Variants in FRY observed in about 807,000 individuals in gnomAD.
The protein encoded by FRY is protein furry homolog.
Under a neutral mutation model 348.4 loss-of-function variants are expected in FRY, and 128 were observed. The ratio of observed to expected loss-of-function variants is 0.37; its 90% confidence interval spans 0.32 to 0.43. The LOEUF (loss-of-function observed/expected upper bound fraction) is 0.43. FRY is among the 20% of genes least tolerant of loss of function. FRY has a pLI of 1.00. For missense variants in FRY, 2,736 were observed against 3,695.2 expected (o/e 0.74, Z 6.73); for synonymous variants, 1,370 against 1,374.7 (o/e 1.00, Z 0.08).
intron 3 of FRY, among the ~76,000 whole-genome samples, chr13:32,104,088 A>G (rs1877371953): frequency 6.6e-6 from 1 of 152,168 alleles, no homozygotes; most frequent in Admixed American, 6.6e-5. Context: ...CTCCAGCTTA[A>G]TGTACCTCTC....
chr13:32,128,032 TA>T (rs1879133827), intron 7 of FRY, among the ~76,000 whole-genome samples: 1 of 152,222 alleles, frequency 6.6e-6, no homozygotes, highest in East Asian at 1.9e-4. Flanking sequence ...AAACCATAGT[TA>T]TTTTGGTATC....
chr13:32,195,656 G>A (rs983474948), intron 29 of FRY, among the ~76,000 whole-genome samples: 10 of 151,974 alleles, frequency 6.6e-5, no homozygotes, highest in African/African-American at 9.7e-5. Context: ...TTTTCCTTAG[G>A]GAGCACAAAT....
At chr13:32,034,061 C>T (rs981636998) in intron 1 of FRY, among the ~76,000 whole-genome samples, 9 of 152,208 alleles carry the variant, frequency 5.9e-5, no homozygotes, top group African/African-American at 1.9e-4. Flanking sequence ...TGCACCTGCA[C>T]GCGCATGCCT....
chr13:32,117,778 A>AG (rs1878394576), intron 4 of FRY, among the ~76,000 whole-genome samples: 6 of 152,234 alleles, frequency 3.9e-5, no homozygotes, highest in African/African-American at 9.6e-5. Flanking sequence ...GTCTACACCC[A>AG]AAGCAGAATG....
chr13:32,194,149 C>G lies in FRY; in HGVS notation c.3598C>G (p.Gln1200Glu). The change falls in exon 29 of 61, where the codon CAA (glutamine) becomes GAA (glutamate). Residue 1200 changes from glutamine to glutamate, a missense_variant. By Grantham distance (29) the Gln-to-Glu change is conservative. Transcript: ENST00000542859. ...ATTTGCTCCATGTATTCAGGTTCAT[C>G]AACTTGGCTGCGAAGTTGTTGTCTT... The part of the protein sequence containing the change: ...ILACQDLRVH[Q>E]LGCEVVVLLL... 6.2e-7 allele frequency: 1 copy of G among 1,613,640 alleles called. No individual in the cohort carries two copies. The highest frequency in any genetic ancestry group is 8.5e-7 in the Non-Finnish European group (1 of 1,179,534).
At chr13:32,251,546 C>G (rs1887083190) in intron 49 of FRY, among the ~76,000 whole-genome samples, 1 of 151,956 alleles carries the variant, frequency 6.6e-6, no homozygotes, top group Non-Finnish European at 1.5e-5. Context: ...CTTGGGATAA[C>G]TTAGATCACC....
At chr13:32,214,991 G>A (rs547068692) in intron 35 of FRY, among the ~76,000 whole-genome samples, 4 of 152,222 alleles carry the variant, frequency 2.6e-5, no homozygotes, top group South Asian at 4.1e-4. Context: ...TAATAATGCC[G>A]TTCCTACTGA....
chr13:32,124,451 G>A, intron 5 of FRY, 75 bp downstream of exon 5: 1 of 963,086 alleles, frequency 1.0e-6, no homozygotes, highest in East Asian at 2.6e-5. Context: ...AAAAGTCTAA[G>A]TTTTTAAAAT....
chr13:32,225,889 T>G lies in FRY; in HGVS notation c.5121T>G (p.Ala1707=). Residue 1707 remains alanine, a synonymous_variant, in exon 39 of 61, where the codon GCT becomes GCG. Transcript: ENST00000542859. ...LSCNSNFHSI[A]SVLLQTREMG... ...GCAACAGCAATTTCCATTCCATTGC[T>G]TCCGTGCTCCTGCAGACCCGAGAGA... The G allele has an allele frequency of 6.2e-7, 1 of 1,614,150 alleles. No individual in the cohort carries two copies. Among genetic ancestry groups the G allele is most frequent in the South Asian group, 1.1e-5 (1 of 91,084 alleles).
At chr13:32,082,954 T>C (rs771410584) in intron 2 of FRY, among the ~76,000 whole-genome samples, 7 of 152,150 alleles carry the variant, frequency 4.6e-5, no homozygotes, top group Non-Finnish European at 1.0e-4. Context: ...GAGACTCTTG[T>C]GCTTCTTAAA....
chr13:32,203,423 G>T (rs1884162011), intron 31 of FRY, among the ~76,000 whole-genome samples: 1 of 152,290 alleles, frequency 6.6e-6, no homozygotes, highest in Non-Finnish European at 1.5e-5. Context: ...ATGCAGAATT[G>T]CTAAAGAATT....
chr13:32,050,041 T>A (rs1255207263), intron 1 of FRY, among the ~76,000 whole-genome samples: 1 of 152,236 alleles, frequency 6.6e-6, no homozygotes, highest in African/African-American at 2.4e-5. Context: ...TATTCCAAAT[T>A]AACACAGTGG....
chr13:32,273,003 C>T (rs1888282546), intron 55 of FRY, among the ~76,000 whole-genome samples: 1 of 151,874 alleles, frequency 6.6e-6, no homozygotes, highest in African/African-American at 2.4e-5. Context: ...CTCGGCCTCC[C>T]AAAAAAGTGT....
At chr13:32,271,818 C>G (rs2138582443) in intron 55 of FRY, among the ~76,000 whole-genome samples, 2 of 152,284 alleles carry the variant, frequency 1.3e-5, no homozygotes, top group South Asian at 4.1e-4. Flanking sequence ...GTTCAGGTTT[C>G]ACAGCATCCA....
At chr13:32,093,729 T>C (rs1876492702) in intron 2 of FRY, among the ~76,000 whole-genome samples, 1 of 152,214 alleles carries the variant, frequency 6.6e-6, no homozygotes, top group Admixed American at 6.5e-5. Context: ...CCCCAGGTCC[T>C]CATTTGTTCA....
intron 20 of FRY, among the ~76,000 whole-genome samples, chr13:32,175,974 A>G (rs1458780109): frequency 6.6e-6 from 1 of 152,186 alleles, no homozygotes; most frequent in African/African-American, 2.4e-5. Context: ...TGTAACTTCT[A>G]TTTATGTGGT....
intron 58 of FRY, among the ~76,000 whole-genome samples, chr13:32,282,013 C>T (rs778610740): frequency 5.3e-5 from 8 of 152,024 alleles, no homozygotes; most frequent in African/African-American, 1.2e-4. Context: ...TCGACAAGGC[C>T]GGAAATGGGC....
Position 32,095,884 on chromosome 13 carries a change from G to T in FRY, c.271-6079G>T, listed in dbSNP as rs572739006. Among the ~76,000 whole-genome samples, 6 of 152,234 alleles carry T rather than the reference G, an allele frequency of 3.9e-5. No homozygotes were observed. The South Asian group carries it at 1.2e-3, about 32-fold the overall frequency. ...TCAGATGGCTCTCTTCTGAGCTGGA[G>T]CAAGTTTGCCTCTAACCTTTCCTCT... On this transcript the variant is annotated intron_variant, in intron 2 of 60. Transcript: ENST00000542859.
rs2138212913 is a variant in FRY at position 32,171,492 on chromosome 13, G to T, written c.2151+222G>T. 1.3e-5 allele frequency among the ~76,000 whole-genome samples: 2 copies of T among 151,738 alleles called. 1 individual carries two copies. The highest frequency in any genetic ancestry group is 4.2e-4 in the South Asian group (2 of 4,800). ...CACCTGGCTAATTTTTGTAGTTTTA[G>T]CAGAGATTGGGGTTTTGCCGTCTTG... is the stretch of plus-strand genomic sequence containing the variant. On this transcript the variant is annotated intron_variant, in intron 18 of 60. Transcript: ENST00000542859.
Sources: gnomAD v4.1 joint callset for allele counts (sites outside exome capture counted in the v4.1 genomes callset) on GRCh38, gnomAD v4.1.1 for gene constraint, MANE v1.5 for transcripts, NCBI Gene and HGNC (gene_info 2026-07-23, HGNC 2026-07-21) for gene names.